Variants in AGMO observed in about 807,000 individuals in gnomAD.
The protein encoded by AGMO is glyceryl-ether monooxygenase.
A neutral mutation model predicts 60.2 loss-of-function variants in AGMO; 75 were observed. The observed-to-expected ratio is 1.25, with a 90% CI of 1.03 to 1.51. AGMO has a LOEUF of 1.51. Ranked by LOEUF, AGMO falls within the 40% of genes most tolerant of loss-of-function variation. The pLI, the probability that AGMO is intolerant of heterozygous loss-of-function variation, is 0.00. For missense variants in AGMO, 763 were observed against 525.5 expected, an observed-to-expected ratio of 1.45 and a Z score of -4.42; for synonymous variants, 261 against 177.1, an observed-to-expected ratio of 1.47 and a Z score of -3.76.
chr7:15,279,912 C>T (rs1014831461), intron 12 of AGMO, among the ~76,000 whole-genome samples: 1 of 152,200 alleles, frequency 6.6e-6, no homozygotes, highest in African/African-American at 2.4e-5. Context: ...CATTTTCAAT[C>T]TCCAGCATGG....
the AGMO span, among the ~76,000 whole-genome samples, chr7:15,182,768 C>A: frequency 6.6e-6 from 1 of 152,070 alleles, no homozygotes; most frequent in Non-Finnish European, 1.5e-5. Flanking sequence ...AAATAAATAC[C>A]TGAAACTGGG....
chr7:15,234,505 A>T (rs564145847), intron 12 of AGMO, among the ~76,000 whole-genome samples: 15 of 152,182 alleles, frequency 9.9e-5, no homozygotes, highest in Admixed American at 3.3e-4. Context: ...TCTTAATGAC[A>T]CACCCACGTT....
At chr7:15,141,585 C>CA in the AGMO span, among the ~76,000 whole-genome samples, 1 of 151,770 alleles carries the variant, frequency 6.6e-6, no homozygotes, top group Non-Finnish European at 1.5e-5. Context: ...GAATCCGCCT[C>CA]AAAACAAACA....
chr7:15,226,697 C>G, intron 12 of AGMO, among the ~76,000 whole-genome samples: 1 of 152,026 alleles, frequency 6.6e-6, no homozygotes, highest in African/African-American at 2.4e-5. Flanking sequence ...CTCACTGACC[C>G]ACAGCAAATC....
chr7:15,359,010 G>C (rs960752075), intron 12 of AGMO, among the ~76,000 whole-genome samples: 7 of 152,004 alleles, frequency 4.6e-5, no homozygotes, highest in African/African-American at 1.4e-4. Flanking sequence ...TTCAGATATG[G>C]AGTTTTATAA....
intron 12 of AGMO, among the ~76,000 whole-genome samples, chr7:15,343,795 G>A (rs541980975): frequency 2.6e-5 from 4 of 152,274 alleles, no homozygotes; most frequent in Admixed American, 1.3e-4. Flanking sequence ...TTGAATCACA[G>A]AAAGGGAAGC....
chr7:15,363,156 G>T (rs1244037528), intron 12 of AGMO, among the ~76,000 whole-genome samples: 1 of 152,164 alleles, frequency 6.6e-6, no homozygotes, highest in East Asian at 1.9e-4. Context: ...ACAACCTGAG[G>T]CACAGAGTCC....
intron 3 of AGMO, among the ~76,000 whole-genome samples, chr7:15,496,709 G>A (rs1036682758): frequency 3.3e-5 from 5 of 152,022 alleles, no homozygotes; most frequent in African/African-American, 1.2e-4. Flanking sequence ...CAACTTTTCT[G>A]GTTTATTGAA....
chr7:15,173,445 T>C, the AGMO span, among the ~76,000 whole-genome samples: 1 of 152,158 alleles, frequency 6.6e-6, no homozygotes, highest in African/African-American at 2.4e-5. Context: ...GCCACATTGA[T>C]TTCTTAAATA....
chr7:15,351,674 C>T (rs1218535339), intron 12 of AGMO, among the ~76,000 whole-genome samples: 1 of 152,150 alleles, frequency 6.6e-6, no homozygotes, highest in Non-Finnish European at 1.5e-5. Context: ...AAAATAATGA[C>T]ATGTTCATGC....
Position 15,203,510 on chromosome 7 carries a change from T to TG in AGMO, c.1264-2152_1264-2151insC, listed in dbSNP as rs1202882840. On this transcript the variant is annotated intron_variant, in intron 12 of 12. Coordinates refer to ENST00000342526, the MANE Select transcript of AGMO (RefSeq NM_001004320.2). ...TTTTTTTCTTTTCTTTTTTTTTGTTTTTTTTTTTGCTTGCTTGCTTGTTTC... is the reference window on the plus strand; with the variant it reads ...TTTTTTTCTTTTCTTTTTTTTTGTTTGTTTTTTTTGCTTGCTTGCTTGTTTC... Among the ~76,000 whole-genome samples, 75 of 151,712 alleles carry TG rather than the reference T, an allele frequency of 4.9e-4. 1 individual carries two copies. Among genetic ancestry groups the TG allele is most frequent in the Admixed American group, 2.0e-4 (3 of 15,220 alleles).
intron 3 of AGMO, among the ~76,000 whole-genome samples, chr7:15,510,815 T>C (rs113359784): frequency 7.1e-6 from 1 of 141,120 alleles, no homozygotes; most frequent in African/African-American, 2.6e-5. Context: ...AAGGAAACAT[T>C]TTATTACAGG....
At chr7:15,127,000 A>AGT in the AGMO span, among the ~76,000 whole-genome samples, 1 of 152,156 alleles carries the variant, frequency 6.6e-6, no homozygotes. Context: ...GTCTTCAGAT[A>AGT]AACTCAGCTA....
At chr7:15,428,854 T>C (rs1781144197) in intron 4 of AGMO, among the ~76,000 whole-genome samples, 1 of 152,080 alleles carries the variant, frequency 6.6e-6, no homozygotes, top group African/African-American at 2.4e-5. Flanking sequence ...ATTTCAGTTG[T>C]CTTTAATAAA....
chr7:15,355,076 A>C (rs1306924133), intron 12 of AGMO, among the ~76,000 whole-genome samples: 1 of 152,104 alleles, frequency 6.6e-6, no homozygotes, highest in Non-Finnish European at 1.5e-5. Flanking sequence ...TAGATTTTCC[A>C]ATGTTTCAGA....
intron 3 of AGMO, among the ~76,000 whole-genome samples, chr7:15,470,777 T>G (rs944689152): frequency 6.6e-6 from 1 of 152,016 alleles, no homozygotes; most frequent in Non-Finnish European, 1.5e-5. Flanking sequence ...TCAGGAGAGA[T>G]AAATTTCACT....
chr7:15,362,951 T>C (rs1782822638), intron 12 of AGMO, among the ~76,000 whole-genome samples: 1 of 152,218 alleles, frequency 6.6e-6, no homozygotes, highest in Admixed American at 6.5e-5. Flanking sequence ...GTTTGTTCCC[T>C]GACTTATTCA....
rs1171315529 is a variant in AGMO, at chr7:15,531,185, A to G, written c.409+13587T>C. Among the ~76,000 whole-genome samples the G allele has an allele frequency of 5.2e-3, 460 of 87,730 alleles. 8 individuals carry two copies. Among genetic ancestry groups the G allele is most frequent in the African/African-American group, 8.9e-3 (165 of 18,584 alleles). 57.6% of individuals were successfully genotyped at this position (87,730 alleles called of 152,430 possible). A position where few individuals can be genotyped will look rare whatever the true frequency, so the allele number is the denominator to read the frequency against. ...TCTATATATATATTCTATATATTCTATATATATTCTATATATATATTCTAT... is the reference window on the plus strand; with the variant it reads ...TCTATATATATATTCTATATATTCTGTATATATTCTATATATATATTCTAT... On this transcript the variant is annotated intron_variant, in intron 3 of 12. Transcript: ENST00000342526.
intron 3 of AGMO, among the ~76,000 whole-genome samples, chr7:15,460,672 C>T (rs1390743557): frequency 4.6e-5 from 7 of 151,882 alleles, no homozygotes; most frequent in Non-Finnish European, 1.0e-4. Flanking sequence ...CAAATTTTAA[C>T]TCACATTGAC....
Sources: allele counts gnomAD v4.1 joint callset (sites outside exome capture counted in the v4.1 genomes callset), GRCh38; gene constraint gnomAD v4.1.1; transcripts MANE v1.5; gene names NCBI Gene and HGNC (gene_info 2026-07-23, HGNC 2026-07-21).